SGCD: variants seen among roughly 807,000 people sequenced by gnomAD.
SGCD encodes the protein delta-sarcoglycan.
SGCD carries 18 observed loss-of-function variants against 36.6 expected under a neutral mutation model. The observed-to-expected ratio is 0.49, with a 90% CI of 0.34 to 0.73. SGCD has a LOEUF of 0.73. Ranked by LOEUF, SGCD falls within the 30% of genes least tolerant of loss-of-function variation. The probability of loss-of-function intolerance (pLI) is 0.01; values close to 1 mark genes in which losing one functional copy is unlikely to be tolerated. For missense variants in SGCD, 387 were observed against 346.7 expected, an observed-to-expected ratio of 1.12 and a Z score of -0.92; for synonymous variants, 133 against 130.6, an observed-to-expected ratio of 1.02 and a Z score of -0.12.
chr5:155,859,189 G>T, the SGCD span, among the ~76,000 whole-genome samples: 1 of 151,786 alleles, frequency 6.6e-6, no homozygotes, highest in Admixed American at 6.6e-5. Context: ...GCCTCCTGAG[G>T]ACTACAGGCA....
At chr5:155,919,066 C>G (rs186078400) in intron 1 of SGCD, among the ~76,000 whole-genome samples, 1 of 152,310 alleles carries the variant, frequency 6.6e-6, no homozygotes, top group East Asian at 1.9e-4. Flanking sequence ...TCTTATAAAA[C>G]GCTAGCCAGT....
intron 4 of SGCD, among the ~76,000 whole-genome samples, chr5:156,562,856 A>T (rs571729171): frequency 6.6e-6 from 1 of 151,380 alleles, no homozygotes; most frequent in South Asian, 2.1e-4. Context: ...ATATACTTAA[A>T]TATAACTTAA....
At chr5:156,007,597 G>T (rs1758781906) in intron 1 of SGCD, among the ~76,000 whole-genome samples, 1 of 152,158 alleles carries the variant, frequency 6.6e-6, no homozygotes, top group Non-Finnish European at 1.5e-5. Context: ...TATTAAAAGG[G>T]GAGGAGCTCA....
At chr5:155,857,070 C>G in the SGCD span, among the ~76,000 whole-genome samples, 1 of 151,782 alleles carries the variant, frequency 6.6e-6, no homozygotes, top group Non-Finnish European at 1.5e-5. Context: ...CCCATCTCTA[C>G]GAAAAATACA....
At chr5:156,258,431 A>C (rs1765767076) in intron 3 of SGCD, among the ~76,000 whole-genome samples, 1 of 152,230 alleles carries the variant, frequency 6.6e-6, no homozygotes, top group South Asian at 2.1e-4. Flanking sequence ...AATGTAATTG[A>C]GTAAATAAAA....
chr5:156,668,962 CT>C (rs1561847613), intron 7 of SGCD, among the ~76,000 whole-genome samples: 2 of 152,080 alleles, frequency 1.3e-5, no homozygotes, highest in African/African-American at 4.8e-5. Context: ...TGTTAAGTGG[CT>C]GGAGCGGAAA....
At chr5:156,059,836 C>A (rs1418038954) in intron 1 of SGCD, among the ~76,000 whole-genome samples, 1 of 146,666 alleles carries the variant, frequency 6.8e-6, no homozygotes, top group African/African-American at 2.5e-5. Context: ...CCATTTAAAC[C>A]AATCTGTGAA....
At chr5:156,122,074 A>G (rs1230621684) in intron 2 of SGCD, among the ~76,000 whole-genome samples, 5 of 152,206 alleles carry the variant, frequency 3.3e-5, no homozygotes, top group Non-Finnish European at 5.9e-5. Flanking sequence ...CAACACTAGA[A>G]GACATTCATC....
At chr5:156,730,829 C>T (rs541129643) in intron 7 of SGCD, among the ~76,000 whole-genome samples, 1 of 152,252 alleles carries the variant, frequency 6.6e-6, no homozygotes, top group Non-Finnish European at 1.5e-5. Context: ...GCACTGTCTT[C>T]CACAGTGACT....
At chr5:156,305,240 G>A (rs980093605) in intron 3 of SGCD, among the ~76,000 whole-genome samples, 1 of 152,142 alleles carries the variant, frequency 6.6e-6, no homozygotes, top group Admixed American at 6.5e-5. Flanking sequence ...AGGAGGCCTA[G>A]GAGGAAAAAG....
At chr5:156,184,163 A>C (rs1160886520) in intron 3 of SGCD, among the ~76,000 whole-genome samples, 1 of 152,206 alleles carries the variant, frequency 6.6e-6, no homozygotes, top group Non-Finnish European at 1.5e-5. Context: ...AATTCATTGA[A>C]TACTATACTG....
rs191883682 is a variant in SGCD at position 156,037,260 on chromosome 5, A to G, written c.-281-80618A>G. ...CTGAGAGAGGCAAAAGAAGCTGGGG[A>G]CAAGGAGCCATCTGAGCAGCAGGAG... On this transcript the variant is annotated intron_variant, in intron 1 of 9. Coordinates refer to the SGCD transcript ENST00000517913. Among the ~76,000 whole-genome samples the G allele has an allele frequency of 5.5e-3, 831 of 152,308 alleles. 6 individuals carry two copies. The highest frequency in any genetic ancestry group is 0.019 in the African/African-American group (798 of 41,566).
chr5:155,830,130 T>C, the SGCD span, among the ~76,000 whole-genome samples: 1 of 152,190 alleles, frequency 6.6e-6, no homozygotes, highest in Non-Finnish European at 1.5e-5. Context: ...GGAATTACAG[T>C]GTATTAGACT....
chr5:156,321,535 A>T (rs955721176), intron 3 of SGCD, among the ~76,000 whole-genome samples: 1 of 152,168 alleles, frequency 6.6e-6, no homozygotes, highest in Non-Finnish European at 1.5e-5. Context: ...TGATACTTTA[A>T]TCTACCCACC....
intron 3 of SGCD, among the ~76,000 whole-genome samples, chr5:156,206,500 C>T (rs1386570881): frequency 6.6e-6 from 1 of 152,010 alleles, no homozygotes; most frequent in Non-Finnish European, 1.5e-5. Flanking sequence ...TCCCTATGGC[C>T]TCAAAAGCAT....
chr5:156,349,970 T>C (rs1769152187), intron 3 of SGCD, among the ~76,000 whole-genome samples: 1 of 151,816 alleles, frequency 6.6e-6, no homozygotes, highest in South Asian at 2.1e-4. Context: ...TTCTAAGTGA[T>C]GTGACTCAGG....
chr5:156,695,534 TA>T (rs1754286792), intron 7 of SGCD, among the ~76,000 whole-genome samples: 2 of 134,116 alleles, frequency 1.5e-5, no homozygotes, highest in South Asian at 2.3e-4. Context: ...GATAGATAGA[TA>T]GATAGATAGA....
intron 1 of SGCD, among the ~76,000 whole-genome samples, chr5:156,010,346 T>A (rs542398082): frequency 4.7e-4 from 71 of 152,342 alleles, no homozygotes; most frequent in African/African-American, 1.7e-3. Context: ...ATTTACAAAA[T>A]TATAATTTAG....
intron 3 of SGCD, among the ~76,000 whole-genome samples, chr5:156,144,110 G>A (rs139149174): frequency 0.022 from 3,334 of 151,906 alleles, 46 homozygotes; most frequent in Non-Finnish European, 0.034. Context: ...GTGTATATGT[G>A]CCACATTTTC....
Sources: gnomAD v4.1 joint callset for allele counts (sites outside exome capture counted in the v4.1 genomes callset) on GRCh38, gnomAD v4.1.1 for gene constraint, MANE v1.5 for transcripts, NCBI Gene and HGNC (gene_info 2026-07-23, HGNC 2026-07-21) for gene names.